Variants in TSC22D1 observed in about 807,000 individuals in gnomAD.
The protein encoded by TSC22D1 is TSC22 domain family protein 1.
In TSC22D1, 9 loss-of-function variants were observed where a neutral mutation model predicts 74.2. The ratio of observed to expected loss-of-function variants is 0.12; its 90% CI spans 0.07 to 0.21. TSC22D1 has a LOEUF of 0.21. Ranked by LOEUF, TSC22D1 falls within the 10% of genes least tolerant of loss-of-function variation. TSC22D1 has a pLI of 1.00. For missense variants in TSC22D1, 1,427 were observed against 1,304.7 expected, an observed-to-expected ratio of 1.09 and a Z score of -1.44; for synonymous variants, 586 against 492.5, an observed-to-expected ratio of 1.19 and a Z score of -2.51.
Position 44,436,063 on chromosome 13 carries a change from T to C in TSC22D1, c.2945A>G (p.Asn982Ser). The change falls in exon 2 of 3, where the codon AAC becomes AGC. Residue 982 changes from asparagine (N) to serine (S), a missense_variant. Asn to Ser is a conservative substitution (Grantham distance 46). Around this residue, in one of 3 missense-constraint regions of TSC22D1, gnomAD observed 21 missense variants for 62.7 expected, o/e 0.34. Transcript: ENST00000458659. ...ACATACCATAGCTTGCTCGATTTTG[T>C]TGTCAATAGCTACCACACTTGCACC... is the stretch of plus-strand genomic sequence containing the variant. ...SSGASVVAID[N>S]KIEQAMDLVK... The C allele has an allele frequency of 6.2e-7, 1 of 1,613,738 alleles. No homozygotes were observed. Among genetic ancestry groups the C allele is most frequent in the South Asian group, 1.1e-5 (1 of 90,952 alleles).
At chr13:44,504,223 G>A (rs1301897627) in intron 1 of TSC22D1, among the ~76,000 whole-genome samples, 2 of 51,014 alleles carry the variant, frequency 3.9e-5, no homozygotes, top group South Asian at 7.2e-4. Context: ...TTCCCCACCC[G>A]CCCCTCCCCG....
rs1436195520 is a variant in TSC22D1, at chr13:44,574,168, A to G, written c.1907T>C (p.Val636Ala). The change falls in exon 1 of 3, where the codon GTT (valine) becomes GCT (alanine). Residue 636 changes from valine (V) to alanine (A), a missense_variant. Transcript: ENST00000458659. ...ATGGCCTGGGGCCATCTGTGTAGAA[A>G]CCATTGGTTGCTGTTGTCCATACTG... ...QLQYGQQQPMVSTQMAPGHVK... is the reference protein window; with the variant it reads ...QLQYGQQQPMASTQMAPGHVK... 6.2e-7 allele frequency: 1 copy of G among 1,614,004 alleles called. No individual in the cohort carries two copies. The highest frequency in any genetic ancestry group is 8.5e-7 in the Non-Finnish European group (1 of 1,179,982).
chr13:44,509,682 A>T (rs1242423645), intron 1 of TSC22D1, among the ~76,000 whole-genome samples: 2 of 152,100 alleles, frequency 1.3e-5, no homozygotes, highest in Non-Finnish European at 2.9e-5. Context: ...TGAATTTTAT[A>T]TTATGTGTAT....
At chr13:44,472,073 C>A (rs1877635965) in intron 1 of TSC22D1, among the ~76,000 whole-genome samples, 1 of 152,140 alleles carries the variant, frequency 6.6e-6, no homozygotes, top group African/African-American at 2.4e-5. Flanking sequence ...GTAATGCTGG[C>A]ATATTGTTAT....
intron 1 of TSC22D1, chr13:44,516,213 T>C (rs1269436800): frequency 3.6e-6 from 1 of 274,846 alleles, no homozygotes; most frequent in Non-Finnish European, 7.0e-6. Context: ...AAAAAAAAAG[T>C]TCTCTTGTTG....
At chr13:44,536,495 C>CT (rs1469046075) in intron 1 of TSC22D1, among the ~76,000 whole-genome samples, 1 of 151,788 alleles carries the variant, frequency 6.6e-6, no homozygotes, top group East Asian at 1.9e-4. Context: ...AAACAAGAGA[C>CT]TATGAGGCCA....
intron 1 of TSC22D1, among the ~76,000 whole-genome samples, chr13:44,568,660 C>T (rs889709993): frequency 1.3e-5 from 2 of 152,116 alleles, no homozygotes; most frequent in Non-Finnish European, 2.9e-5. Context: ...CTCTAATCAG[C>T]TCTTTAATCC....
rs1168094822 is a variant in TSC22D1 at position 44,434,296 on chromosome 13, T to C, written c.*330A>G. On this transcript the variant is annotated 3_prime_UTR_variant, in exon 3 of 3. Transcript: ENST00000458659. The stretch of plus-strand genomic sequence containing the variant: ...AAGCAGGAGAGAGAACCCTTGGAAG[T>C]GAGGGGTAGGGAGCCGGAAGGGATG... The C allele has an allele frequency of 3.6e-6, 5 of 1,373,668 alleles. No homozygotes were observed. In the Admixed American group the frequency reaches 1.5e-4, roughly 40 times the overall value. 85.1% of individuals were successfully genotyped at this position (1,373,668 alleles called of 1,614,324 possible).
chr13:44,449,015 C>T (rs1875912344), intron 1 of TSC22D1, among the ~76,000 whole-genome samples: 1 of 152,156 alleles, frequency 6.6e-6, no homozygotes, highest in Admixed American at 6.5e-5. Context: ...ACCCATTTTA[C>T]AGATTAAGAA....
intron 1 of TSC22D1, among the ~76,000 whole-genome samples, chr13:44,483,542 A>G (rs964250526): frequency 6.6e-6 from 1 of 152,090 alleles, no homozygotes; most frequent in Non-Finnish European, 1.5e-5. Context: ...GCGTGGTAGC[A>G]GGCGCCTGTA....
chr13:44,511,087 C>T (rs1405716742), intron 1 of TSC22D1, among the ~76,000 whole-genome samples: 1 of 152,096 alleles, frequency 6.6e-6, no homozygotes, highest in African/African-American at 2.4e-5. Flanking sequence ...GGGAGACCAT[C>T]CTGGGCAACA....
intron 1 of TSC22D1, among the ~76,000 whole-genome samples, chr13:44,456,910 G>C (rs1876689938): frequency 6.6e-6 from 1 of 152,180 alleles, no homozygotes; most frequent in African/African-American, 2.4e-5. Context: ...CCTAACAAAA[G>C]AAGTTTCAGA....
At chr13:44,464,642 A>G (rs1293306135) in intron 1 of TSC22D1, among the ~76,000 whole-genome samples, 1 of 152,234 alleles carries the variant, frequency 6.6e-6, no homozygotes, top group Non-Finnish European at 1.5e-5. Context: ...TCACAAGAGC[A>G]CTCAGTACAG....
At position 44,573,108 on chromosome 13, in the gene TSC22D1, A is replaced by G. The variant is rs975904316; in HGVS notation, c.2912+55T>C. ...CATTTTGTGCATACATATAGCTACT[A>G]AATAGATTAACTTCAAATCTGTTGA... On this transcript the variant is annotated intron_variant, in intron 1 of 2. Coordinates refer to ENST00000458659, the MANE Select transcript of TSC22D1 (RefSeq NM_183422.4). 155 of 1,573,532 alleles carry G rather than the reference A, an allele frequency of 9.9e-5. 1 individual carries two copies. The Middle Eastern group carries it at 2.6e-3, about 26-fold the overall frequency.
chr13:44,435,934 A>G (rs1595073947), intron 2 of TSC22D1, 110 bp downstream of exon 2: 3 of 1,149,118 alleles, frequency 2.6e-6, no homozygotes, highest in East Asian at 5.1e-5. Context: ...TTCTACGCGC[A>G]TCAAGAGCAA....
intron 1 of TSC22D1, among the ~76,000 whole-genome samples, chr13:44,454,521 T>C (rs546823026): frequency 1.6e-3 from 238 of 152,290 alleles, no homozygotes; most frequent in Non-Finnish European, 2.6e-3. Context: ...GGGGCAATTC[T>C]TCTCCAGCCT....
At chr13:44,477,943 C>A (rs1878000467) in intron 1 of TSC22D1, among the ~76,000 whole-genome samples, 1 of 151,912 alleles carries the variant, frequency 6.6e-6, no homozygotes, top group Non-Finnish European at 1.5e-5. Context: ...GCCCAGCCTG[C>A]TAATAGATTT....
At chr13:44,539,150 CTT>C in intron 1 of TSC22D1, 2 of 985,248 alleles carry the variant, frequency 2.0e-6, no homozygotes, top group Non-Finnish European at 2.4e-6. Flanking sequence ...TAGAAAATGA[CTT>C]TTGAGTATAT....
At chr13:44,499,408 C>A (rs1018670095) in intron 1 of TSC22D1, among the ~76,000 whole-genome samples, 28 of 152,054 alleles carry the variant, frequency 1.8e-4, no homozygotes, top group African/African-American at 6.0e-4. Context: ...TTTAAAATAT[C>A]TAAAATATAT....
Sources: gnomAD v4.1 joint callset for allele counts (sites outside exome capture counted in the v4.1 genomes callset) on GRCh38, gnomAD v4.1.1 for gene constraint, gnomAD v4.1.1 regional missense constraint, MANE v1.5 for transcripts, NCBI Gene and HGNC (gene_info 2026-07-23, HGNC 2026-07-21) for gene names.